TMEM108: variants seen among roughly 807,000 people sequenced by gnomAD.
The protein encoded by TMEM108 is cancer/testis antigen 124.
In TMEM108, 12 loss-of-function variants were observed where a neutral mutation model predicts 35.1. The ratio of observed to expected loss-of-function variants is 0.34; its 90% CI spans 0.22 to 0.55. The LOEUF is 0.55. TMEM108 is among the 20% of genes least tolerant of loss of function. The probability of loss-of-function intolerance (pLI) is 0.89; values close to 1 mark genes in which losing one functional copy is unlikely to be tolerated. For missense variants in TMEM108, 680 were observed against 753.3 expected, an observed-to-expected ratio of 0.90 and a Z score of 1.14; for synonymous variants, 287 against 308.6, an observed-to-expected ratio of 0.93 and a Z score of 0.73.
intron 2 of TMEM108, among the ~76,000 whole-genome samples, chr3:133,074,901 AAAT>A (rs1386975080): frequency 6.6e-6 from 1 of 152,240 alleles, no homozygotes; most frequent in Non-Finnish European, 1.5e-5. Context: ...TAAAGGCAAA[AAAT>A]AATAAGTAGA....
chr3:133,380,124 C>A lies in TMEM108; in HGVS notation c.413C>A (p.Ala138Asp), dbSNP rs779436937. Residue 138 changes from alanine to aspartate, a missense_variant, in exon 4 of 6, where the codon GCC becomes GAC. This residue lies in a region of TMEM108 where 526 missense variants were observed against 532.1 expected (regional missense o/e 0.99). Coordinates refer to ENST00000321871, the MANE Select transcript of TMEM108 (RefSeq NM_023943.4). This position sits in a 1 kb window ranked among gnomAD's most constrained non-coding sequence, Gnocchi z 5.3. ...GAGGGCCGCCCTCGAGGGCAGGCTG[C>A]CCCCACCATCCTGCTGACAAAGCCA... ...KPEGRPRGQAAPTILLTKPPG... is the reference protein window; with the variant it reads ...KPEGRPRGQADPTILLTKPPG... 2 of 1,613,860 alleles carry A rather than the reference C, an allele frequency of 1.2e-6. No individual in the cohort carries two copies. The highest frequency in any genetic ancestry group is 1.7e-6 in the Non-Finnish European group (2 of 1,179,942).
chr3:133,194,486 A>T (rs896625821), intron 2 of TMEM108, among the ~76,000 whole-genome samples: 20 of 152,294 alleles, frequency 1.3e-4, no homozygotes, highest in African/African-American at 4.1e-4. Context: ...GTAGTTTTTT[A>T]AAAAATTACC....
intron 3 of TMEM108, among the ~76,000 whole-genome samples, chr3:133,282,808 C>T (rs1409475200): frequency 6.6e-6 from 1 of 151,970 alleles, no homozygotes; most frequent in Non-Finnish European, 1.5e-5. Context: ...CCCGTAAATG[C>T]TCATAAAGAA....
intron 5 of TMEM108, among the ~76,000 whole-genome samples, chr3:133,390,841 C>T (rs996529450): frequency 6.6e-6 from 1 of 152,190 alleles, no homozygotes; most frequent in African/African-American, 2.4e-5. Flanking sequence ...TTTCAACAGG[C>T]ATTCCAGCAG....
At chr3:133,335,630 T>C (rs577031671) in intron 3 of TMEM108, among the ~76,000 whole-genome samples, 1 of 152,192 alleles carries the variant, frequency 6.6e-6, no homozygotes, top group Admixed American at 6.5e-5. Flanking sequence ...ATGTGGTATA[T>C]AGAATGAGCA....
At chr3:133,327,549 G>A (rs905752258) in intron 3 of TMEM108, among the ~76,000 whole-genome samples, 1 of 152,190 alleles carries the variant, frequency 6.6e-6, no homozygotes, top group Non-Finnish European at 1.5e-5. Context: ...ATTGGCAGGA[G>A]GGCCTGAGGG....
At chr3:133,130,344 G>C (rs1301308703) in intron 2 of TMEM108, among the ~76,000 whole-genome samples, 1 of 152,160 alleles carries the variant, frequency 6.6e-6, no homozygotes, top group African/African-American at 2.4e-5. Flanking sequence ...GGCTCAGCAG[G>C]GACAACTCAT....
At chr3:133,237,621 A>G (rs980446871) in intron 3 of TMEM108, among the ~76,000 whole-genome samples, 3 of 152,228 alleles carry the variant, frequency 2.0e-5, no homozygotes, top group Middle Eastern at 3.4e-3. Context: ...TCTTTTTCCA[A>G]CTATACATAT....
At chr3:133,261,439 A>C (rs1363760565) in intron 3 of TMEM108, among the ~76,000 whole-genome samples, 1 of 152,222 alleles carries the variant, frequency 6.6e-6, no homozygotes, top group Non-Finnish European at 1.5e-5. Context: ...TTCTGAAAAG[A>C]AAGCAGACAT....
intron 2 of TMEM108, among the ~76,000 whole-genome samples, chr3:133,131,899 T>A (rs1482754335): frequency 6.6e-6 from 1 of 151,508 alleles, no homozygotes; most frequent in African/African-American, 2.4e-5. Flanking sequence ...ATAGAGAGAG[T>A]GAGAATATAT....
At chr3:133,267,842 T>C (rs1209034563) in intron 3 of TMEM108, among the ~76,000 whole-genome samples, 1 of 152,196 alleles carries the variant, frequency 6.6e-6, no homozygotes, top group Non-Finnish European at 1.5e-5. Flanking sequence ...ACAGCTGTCT[T>C]CTCCCAGAGT....
In TMEM108 at chr3:133,156,289, C is replaced by T. The variant is rs145554413; in HGVS notation, c.-46-72977C>T. 3.5e-3 allele frequency among the ~76,000 whole-genome samples: 539 copies of T among 151,948 alleles called. 3 individuals are homozygous for T. The highest frequency in any genetic ancestry group is 0.012 in the African/African-American group (508 of 41,420). On this transcript the variant is annotated intron_variant, in intron 2 of 5. Transcript: ENST00000321871. Reference sequence around the variant, plus strand: ...CTCTGCAGTAGCTGAGATACTGTGGCGAATGCAAGGAACTATGTGACAATA... The same window carrying T: ...CTCTGCAGTAGCTGAGATACTGTGGTGAATGCAAGGAACTATGTGACAATA...
intron 3 of TMEM108, among the ~76,000 whole-genome samples, chr3:133,371,720 A>T (rs2072683149): frequency 6.6e-6 from 1 of 151,868 alleles, no homozygotes; most frequent in African/African-American, 2.4e-5. Context: ...GAGTAAGCAC[A>T]TTGGAATGTA....
intron 4 of TMEM108, among the ~76,000 whole-genome samples, chr3:133,385,690 A>G (rs2073130697): frequency 6.6e-6 from 1 of 152,230 alleles, no homozygotes; most frequent in African/African-American, 2.4e-5. Flanking sequence ...TTAAGCCTGC[A>G]TAGATCATTA....
chr3:133,266,822 C>G (rs1196941226), intron 3 of TMEM108, among the ~76,000 whole-genome samples: 1 of 150,956 alleles, frequency 6.6e-6, no homozygotes, highest in Non-Finnish European at 1.5e-5. Flanking sequence ...CCTGTAATCC[C>G]AGCACTTTGG....
intron 2 of TMEM108, among the ~76,000 whole-genome samples, chr3:133,094,240 C>CCCCCCAACTCCCA (rs773837996): frequency 9.0e-6 from 1 of 110,850 alleles, no homozygotes; most frequent in South Asian, 3.8e-4. Context: ...CCCACCCCCC[C>CCCCCCAACTCCCA]CACACACACG....
intron 2 of TMEM108, among the ~76,000 whole-genome samples, chr3:133,091,928 C>G (rs1943951648): frequency 6.6e-6 from 1 of 152,168 alleles, no homozygotes; most frequent in Non-Finnish European, 1.5e-5. Flanking sequence ...TTTTGAGCCT[C>G]TCAGAGAAAA....
intron 2 of TMEM108, among the ~76,000 whole-genome samples, chr3:133,118,641 T>C (rs1487602399): frequency 1.3e-5 from 2 of 152,164 alleles, no homozygotes; most frequent in Non-Finnish European, 2.9e-5. Flanking sequence ...GAGAAGCAGA[T>C]GCATTTAAAA....
At chr3:133,232,839 C>A (rs1946173757) in intron 3 of TMEM108, among the ~76,000 whole-genome samples, 1 of 152,164 alleles carries the variant, frequency 6.6e-6, no homozygotes, top group South Asian at 2.1e-4. Flanking sequence ...TACATGATAT[C>A]TTGGAAAAGC....
Sources: gnomAD v4.1 joint callset for allele counts (sites outside exome capture counted in the v4.1 genomes callset) on GRCh38, gnomAD v4.1.1 for gene constraint, gnomAD v4.1.1 regional missense constraint, Gnocchi (gnomAD v3.1) non-coding constraint, MANE v1.5 for transcripts, NCBI Gene and HGNC (gene_info 2026-07-23, HGNC 2026-07-21) for gene names.